Variants in TTC34 observed in about 807,000 individuals in gnomAD.
TTC34 encodes tetratricopeptide repeat domain 34, also known as tetratricopeptide repeat protein 34.
Under a neutral mutation model 40.7 loss-of-function variants are expected in TTC34, and 44 were observed. The ratio of observed to expected loss-of-function variants is 1.08; its 90% CI spans 0.85 to 1.39. The LOEUF (loss-of-function observed/expected upper bound fraction) is 1.39, where lower values mean the gene tolerates loss of function less well. Ranked by LOEUF, TTC34 falls within the 40% of genes most tolerant of loss-of-function variation. TTC34 has a pLI of 0.00. For missense variants in TTC34, 884 were observed against 838.0 expected (o/e 1.05, Z -0.68); for synonymous variants, 422 against 398.6 (o/e 1.06, Z -0.70).
At position 2,786,035 on chromosome 1, in the gene TTC34, CCA is replaced by C; in HGVS notation, c.1855-14_1855-13del. 1 of 1,456,054 alleles carries C rather than the reference CCA, an allele frequency of 6.9e-7. No individual in the cohort carries two copies. Among genetic ancestry groups the C allele is most frequent in the Non-Finnish European group, 9.1e-7 (1 of 1,095,866 alleles). 90.2% of individuals were successfully genotyped at this position (1,456,054 alleles called of 1,614,324 possible). A position where few individuals can be genotyped will look rare whatever the true frequency, so the allele number is the denominator to read the frequency against. ...AGCTTCTTCACCAACTGCAAGGGTG[CCA>C]CAGTCACTGCCCATGCCCTTGGGAC... On this transcript the variant is annotated splice_polypyrimidine_tract_variant and intron_variant, in intron 4 of 8. Transcript: ENST00000401095.
Position 2,641,857 on chromosome 1 carries a change from C to T in TTC34, c.2751G>A (p.Gly917=), listed in dbSNP as rs1570743463. Residue 917 remains glycine, a synonymous_variant, in exon 9 of 9, where the codon GGG becomes GGA. Transcript: ENST00000401095. ...AGTAGCCCAGCGCCTGCCTGGGTTG[C>T]CCTGCGTCCAGGAGGGTGCCGGCTT... 6 of 1,513,938 alleles carry T rather than the reference C, an allele frequency of 4.0e-6. No individual in the cohort carries two copies. The African/African-American group carries it at 5.5e-5, about 14-fold the overall frequency. 93.8% of individuals were successfully genotyped at this position (1,513,938 alleles called of 1,614,324 possible).
rs61763527 is a variant in TTC34 at position 2,683,610 on chromosome 1, A to G, written c.2227-38047T>C. Among the ~76,000 whole-genome samples, 2 of 92,916 alleles carry G rather than the reference A, an allele frequency of 2.2e-5. 1 individual carries two copies. The highest frequency in any genetic ancestry group is 5.1e-5 in the Non-Finnish European group (2 of 39,012). 61.0% of individuals were successfully genotyped at this position (92,916 alleles called of 152,430 possible). A position where few individuals can be genotyped will look rare whatever the true frequency, so the allele number is the denominator to read the frequency against. On this transcript the variant is annotated intron_variant, in intron 6 of 8. Transcript: ENST00000401095. ...ACCCACACACTCAGGCGAGCATCTG[A>G]CATCCTTCAGCAGCACCCACACCCC...
chr1:2,798,530 T>C (rs1168170120), intron 2 of TTC34, among the ~76,000 whole-genome samples: 8 of 53,796 alleles, frequency 1.5e-4, no homozygotes, highest in Admixed American at 4.6e-4. Flanking sequence ...TCCCAACCTC[T>C]CAGCCTCTTA....
intron 6 of TTC34, among the ~76,000 whole-genome samples, chr1:2,699,188 A>G (rs1190182525): frequency 2.2e-3 from 298 of 137,050 alleles, no homozygotes; most frequent in Middle Eastern, 4.9e-3. Context: ...TGAGCATCTG[A>G]CAACCTGGAG....
Position 2,754,780 on chromosome 1 carries a change from C to T in TTC34, c.2226+28829G>A, listed in dbSNP as rs1641449920. 5.9e-5 allele frequency among the ~76,000 whole-genome samples: 9 copies of T among 151,656 alleles called. No individual in the cohort carries two copies. In the East Asian group the frequency reaches 9.8e-4, roughly 16 times the overall value. On this transcript the variant is annotated intron_variant, in intron 6 of 8. Coordinates refer to ENST00000401095, the Ensembl canonical transcript of TTC34. ...GATGGTCTGGAGCAGCACCCACACC[C>T]ACAGGTGAGCATCTGACAGCCTGGA...
At chr1:2,698,725 C>T (rs1238050572) in intron 6 of TTC34, among the ~76,000 whole-genome samples, 6 of 136,600 alleles carry the variant, frequency 4.4e-5, no homozygotes, top group African/African-American at 1.4e-4. Flanking sequence ...GCAGCACCAA[C>T]AACCCCAGGC....
At chr1:2,782,879 G>C (rs983867901) in intron 6 of TTC34, among the ~76,000 whole-genome samples, 1 of 152,138 alleles carries the variant, frequency 6.6e-6, no homozygotes, top group Admixed American at 6.5e-5. Flanking sequence ...CAGCAGGCCT[G>C]GGCTGAGCAC....
At chr1:2,656,336 C>A (rs1374149952) in intron 6 of TTC34, among the ~76,000 whole-genome samples, 86 of 140,708 alleles carry the variant, frequency 6.1e-4, no homozygotes, top group Middle Eastern at 4.7e-3. Context: ...GCACTCACAC[C>A]CCCAGGTGAG....
chr1:2,641,165 A>AAGGGGGGCTGTGGGG (rs1553149273), exon 9 of TTC34: 1 of 231,812 alleles, frequency 4.3e-6, no homozygotes, highest in African/African-American at 9.2e-5. Flanking sequence ...GGAGGGTGGG[A>AAGGGGGGCTGTGGGG]AGGGGGGCTG....
At position 2,759,518 on chromosome 1, in the gene TTC34, C is replaced by A. The variant is rs1397175803; in HGVS notation, c.2226+24091G>T. 2.2e-4 allele frequency among the ~76,000 whole-genome samples: 30 copies of A among 136,138 alleles called. No homozygotes were observed. The East Asian group carries it at 5.1e-3, about 23-fold the overall frequency. 89.3% of individuals were successfully genotyped at this position (136,138 alleles called of 152,430 possible). A position where few individuals can be genotyped will look rare whatever the true frequency, so the allele number is the denominator to read the frequency against. On this transcript the variant is annotated intron_variant, in intron 6 of 8. Transcript: ENST00000401095. The stretch of plus-strand genomic sequence containing the variant: ...CGGGCAGCCTGGAGCAGCACCCACA[C>A]CCCCAGATGAGCATCTGACAGCCTG...
At chr1:2,776,444 C>T (rs1302524356) in intron 6 of TTC34, 1 of 122,670 alleles carries the variant, frequency 8.2e-6, no homozygotes, top group Non-Finnish European at 1.6e-5. Flanking sequence ...AAGACCACTG[C>T]CCCCAGGTGA....
chr1:2,686,283 C>G (rs1298520979), intron 6 of TTC34, among the ~76,000 whole-genome samples: 1 of 151,382 alleles, frequency 6.6e-6, no homozygotes, highest in Non-Finnish European at 1.5e-5. Context: ...ACCCACACCC[C>G]CAGGCGAGCA....
chr1:2,777,754 G>A (rs1245702052), intron 6 of TTC34, among the ~76,000 whole-genome samples: 1 of 152,026 alleles, frequency 6.6e-6, no homozygotes, highest in African/African-American at 2.4e-5. Flanking sequence ...ACGGGGCGAG[G>A]GCCTGCTGCT....
chr1:2,688,419 A>G (rs1640472330), intron 6 of TTC34, among the ~76,000 whole-genome samples: 2 of 151,674 alleles, frequency 1.3e-5, no homozygotes, highest in Non-Finnish European at 2.9e-5. Flanking sequence ...CCCCCAGGTG[A>G]GCATCCGACA....
rs1407162464 is a variant in TTC34, at chr1:2,644,572, C to T, written c.2498-94G>A. The T allele has an allele frequency of 3.0e-6, 4 of 1,314,874 alleles. No homozygotes were observed. The African/African-American group carries it at 5.9e-5, about 19-fold the overall frequency. 81.5% of individuals were successfully genotyped at this position (1,314,874 alleles called of 1,614,324 possible). A position where few individuals can be genotyped will look rare whatever the true frequency, so the allele number is the denominator to read the frequency against. On this transcript the variant is annotated intron_variant, in intron 7 of 8. Coordinates refer to ENST00000401095, the Ensembl canonical transcript of TTC34. ...CTGGCCGCTCCTTCCCTGCCCTGTG[C>T]TGGCTTGCGGGGAGCTGATGATGGC... is the stretch of plus-strand genomic sequence containing the variant.
intron 6 of TTC34, among the ~76,000 whole-genome samples, chr1:2,685,217 C>T (rs1192312514): frequency 2.5e-5 from 3 of 119,842 alleles, no homozygotes; most frequent in Admixed American, 8.7e-5. Flanking sequence ...GAGCATCTGA[C>T]ATCGTGGAGC....
intron 1 of TTC34, 129 bp from the exon 2 acceptor site, chr1:2,800,997 G>T: frequency 2.5e-6 from 1 of 397,676 alleles, no homozygotes; most frequent in Non-Finnish European, 4.4e-6. Flanking sequence ...GACCCCACTG[G>T]GTGAAAACTG....
intron 1 of TTC34, among the ~76,000 whole-genome samples, chr1:2,801,219 C>T (rs895332032): frequency 2.0e-5 from 3 of 152,090 alleles, no homozygotes; most frequent in Non-Finnish European, 4.4e-5. Flanking sequence ...ATAGGAACCC[C>T]GGACCCACCC....
chr1:2,683,192 C>T (rs1640155040), intron 6 of TTC34, among the ~76,000 whole-genome samples: 3 of 141,630 alleles, frequency 2.1e-5, no homozygotes, highest in South Asian at 4.6e-4. Flanking sequence ...AACCCACGGC[C>T]ACAGGCGAGC....
Sources: gnomAD v4.1 joint callset for allele counts (sites outside exome capture counted in the v4.1 genomes callset) on GRCh38, gnomAD v4.1.1 for gene constraint, MANE v1.5 for transcripts, NCBI Gene and HGNC (gene_info 2026-07-23, HGNC 2026-07-21) for gene names.